TMEM63C: variants seen among roughly 807,000 people sequenced by gnomAD.
TMEM63C encodes the protein transmembrane protein 63C.
Under a neutral mutation model 99.2 loss-of-function variants are expected in TMEM63C, and 32 were observed. The ratio of observed to expected loss-of-function variants is 0.32; its 90% CI spans 0.24 to 0.43. The LOEUF (loss-of-function observed/expected upper bound fraction) is 0.43, where lower values mean the gene tolerates loss of function less well. Among genes scored for constraint, TMEM63C ranks in the 20% least tolerant of loss-of-function variants. The probability of loss-of-function intolerance (pLI) is 1.00; values close to 1 mark genes in which losing one functional copy is unlikely to be tolerated. For missense variants in TMEM63C, 826 were observed against 1,053.0 expected (o/e 0.78, Z 2.98); for synonymous variants, 376 against 397.9 (o/e 0.94, Z 0.66).
Position 77,220,046 on chromosome 14 carries a change from T to C in TMEM63C, c.271T>C (p.Ser91Pro). The part of the protein sequence containing the change: ...LIYGEQSEKT[S>P]PSETSLEMER... Reference sequence around the variant, plus strand: ...CTATGGGGAGCAGAGCGAGAAGACATCTCCCTCGGAGACTTCCTTGGAGAT... The same window carrying C: ...CTATGGGGAGCAGAGCGAGAAGACACCTCCCTCGGAGACTTCCTTGGAGAT... Residue 91 changes from serine to proline, a missense_variant, in exon 5 of 24, where the codon TCT (serine) becomes CCT (proline). Ser to Pro is a moderately conservative substitution (Grantham distance 74). Coordinates refer to ENST00000298351, the MANE Select transcript of TMEM63C (RefSeq NM_020431.4). The C allele has an allele frequency of 1.3e-6, 2 of 1,562,202 alleles. No individual in the cohort carries two copies. The highest frequency in any genetic ancestry group is 1.4e-5 in the African/African-American group (1 of 73,602).
chr14:77,245,523 C>T (rs1889255177), intron 16 of TMEM63C, among the ~76,000 whole-genome samples: 1 of 152,192 alleles, frequency 6.6e-6, no homozygotes, highest in Non-Finnish European at 1.5e-5. Flanking sequence ...TAAAGACATA[C>T]TCAAGACTGG....
At chr14:77,210,461 G>T (rs936295684) in intron 1 of TMEM63C, among the ~76,000 whole-genome samples, 32 of 152,318 alleles carry the variant, frequency 2.1e-4, no homozygotes, top group African/African-American at 7.5e-4. Flanking sequence ...ATGGTATGGG[G>T]CAGGGAAGGG....
At chr14:77,255,645 C>T (rs1889448154) in intron 23 of TMEM63C, among the ~76,000 whole-genome samples, 1 of 152,220 alleles carries the variant, frequency 6.6e-6, no homozygotes, top group Non-Finnish European at 1.5e-5. Flanking sequence ...GAACACATTA[C>T]AGGTAGTGCT....
At chr14:77,184,215 C>A (rs547290360) in intron 1 of TMEM63C, among the ~76,000 whole-genome samples, 1 of 152,102 alleles carries the variant, frequency 6.6e-6, no homozygotes, top group Non-Finnish European at 1.5e-5. Flanking sequence ...TCTCCCTCTG[C>A]GGCCAGCCTA....
chr14:77,242,610 A>C (rs1021676183), intron 14 of TMEM63C, 141 bp downstream of exon 14: 2 of 1,208,480 alleles, frequency 1.7e-6, no homozygotes, highest in Non-Finnish European at 1.2e-6. Context: ...AAGCACCACA[A>C]CCTGTGTGTA....
chr14:77,251,978 C>T, intron 22 of TMEM63C, 80 bp downstream of exon 22: 3 of 1,145,740 alleles, frequency 2.6e-6, no homozygotes, highest in Non-Finnish European at 2.7e-6. Context: ...CAGGTCTGGG[C>T]TCCCATAGCA....
intron 6 of TMEM63C, among the ~76,000 whole-genome samples, chr14:77,226,598 G>A (rs1340557975): frequency 6.6e-6 from 1 of 152,104 alleles, no homozygotes. Context: ...CGACAGGCGC[G>A]ATGTGGGATG....
chr14:77,240,195 C>T lies in TMEM63C; in HGVS notation c.931-280C>T, dbSNP rs1240476759. ...CCCTCTCTCGTGGAAATGCGGCAAA[C>T]ACATTCTCTCACCTCTCTGGGGTCC... is the stretch of plus-strand genomic sequence containing the variant. On this transcript the variant is annotated intron_variant, in intron 12 of 23. Coordinates refer to ENST00000298351, the MANE Select transcript of TMEM63C (RefSeq NM_020431.4). Among the ~76,000 whole-genome samples, 6 of 152,246 alleles carry T rather than the reference C, an allele frequency of 3.9e-5. No individual in the cohort carries two copies. In the South Asian group the frequency reaches 6.2e-4, roughly 16 times the overall value.
At chr14:77,226,994 C>T (rs1002444365) in intron 6 of TMEM63C, among the ~76,000 whole-genome samples, 1 of 152,152 alleles carries the variant, frequency 6.6e-6, no homozygotes, top group Non-Finnish European at 1.5e-5. Flanking sequence ...CCTCAAACTC[C>T]TGACCTGAGG....
At chr14:77,197,243 A>T (rs1347604981) in intron 1 of TMEM63C, among the ~76,000 whole-genome samples, 1 of 152,206 alleles carries the variant, frequency 6.6e-6, no homozygotes, top group East Asian at 1.9e-4. Context: ...TGTTGCTGTT[A>T]CTGATAAAAA....
intron 1 of TMEM63C, among the ~76,000 whole-genome samples, chr14:77,203,890 C>G (rs952276330): frequency 6.6e-6 from 1 of 152,262 alleles, no homozygotes; most frequent in Non-Finnish European, 1.5e-5. Flanking sequence ...CAGCCTCCAA[C>G]CCGGCTCTAG....
chr14:77,249,596 C>A, intron 21 of TMEM63C, 138 bp downstream of exon 21: 3 of 930,218 alleles, frequency 3.2e-6, no homozygotes, highest in African/African-American at 1.7e-5. Flanking sequence ...CACCCAGTGA[C>A]TTCTCTGGGC....
At position 77,227,277 on chromosome 14, in the gene TMEM63C, C is replaced by G. The variant is rs144379048; in HGVS notation, c.350+1816C>G. On this transcript the variant is annotated intron_variant, in intron 6 of 23. Transcript: ENST00000298351. ...GGTCGAGGTGGGAGGTGCTAGTGACCTGAACCGGGGCAGTGACTAGAGAAA... is the reference window on the plus strand; with the variant it reads ...GGTCGAGGTGGGAGGTGCTAGTGACGTGAACCGGGGCAGTGACTAGAGAAA... Among the ~76,000 whole-genome samples the G allele has an allele frequency of 2.6e-5, 4 of 152,100 alleles. No homozygotes were observed. The East Asian group carries it at 5.8e-4, about 22-fold the overall frequency.
chr14:77,208,914 CA>C (rs1338010820), intron 1 of TMEM63C, among the ~76,000 whole-genome samples: 4 of 152,306 alleles, frequency 2.6e-5, no homozygotes, highest in African/African-American at 9.6e-5. Context: ...TGGACCCAGC[CA>C]GGGGCAGCGG....
intron 1 of TMEM63C, among the ~76,000 whole-genome samples, chr14:77,188,314 CT>C (rs1888037957): frequency 6.6e-6 from 1 of 152,202 alleles, no homozygotes; most frequent in South Asian, 2.1e-4. Context: ...CACACAGGTC[CT>C]CCAGTAGTTC....
chr14:77,236,609 C>T lies in TMEM63C; in HGVS notation c.543-15C>T, dbSNP rs1295030522. The T allele has an allele frequency of 1.9e-6, 3 of 1,588,864 alleles. No homozygotes were observed. Among genetic ancestry groups the T allele is most frequent in the Non-Finnish European group, 2.6e-6 (3 of 1,158,648 alleles). On this transcript the variant is annotated splice_polypyrimidine_tract_variant and intron_variant, in intron 8 of 23. Transcript: ENST00000298351. ...TCACAGGCTGACCTCACTGCTGCTG[C>T]CTCCCTCCCTGCAGGAGCAAGCTCC...
At chr14:77,206,524 CA>C (rs953817611) in intron 1 of TMEM63C, among the ~76,000 whole-genome samples, 3 of 152,212 alleles carry the variant, frequency 2.0e-5, no homozygotes, top group African/African-American at 7.2e-5. Context: ...CAGGCCCTGA[CA>C]GGGGAGAGAG....
At chr14:77,218,330 C>T (rs537984142) in intron 2 of TMEM63C, among the ~76,000 whole-genome samples, 69 of 152,128 alleles carry the variant, frequency 4.5e-4, no homozygotes, top group Middle Eastern at 3.4e-3. Flanking sequence ...GTGACTGCAT[C>T]AGAGATTGCT....
chr14:77,205,372 T>C (rs1210835988), intron 1 of TMEM63C, among the ~76,000 whole-genome samples: 1 of 152,190 alleles, frequency 6.6e-6, no homozygotes, highest in Non-Finnish European at 1.5e-5. Context: ...CACTGCGTTA[T>C]CACTGCCTTT....
Sources: gnomAD v4.1 joint callset for allele counts (sites outside exome capture counted in the v4.1 genomes callset) on GRCh38, gnomAD v4.1.1 for gene constraint, MANE v1.5 for transcripts, NCBI Gene and HGNC (gene_info 2026-07-23, HGNC 2026-07-21) for gene names.